PHACTR1: variants seen among roughly 807,000 people sequenced by gnomAD.
PHACTR1 encodes phosphatase and actin regulator 1, also known as RPEL repeat containing 1.
In PHACTR1, 16 loss-of-function variants were observed where a neutral mutation model predicts 69.2. That is an observed-to-expected ratio of 0.23 (90% CI 0.16 to 0.35). The LOEUF (loss-of-function observed/expected upper bound fraction) is 0.35, where lower values mean the gene tolerates loss of function less well. PHACTR1 is among the 10% of genes least tolerant of loss of function. The probability of loss-of-function intolerance (pLI) is 1.00; values close to 1 mark genes in which losing one functional copy is unlikely to be tolerated. For missense variants in PHACTR1, 510 were observed against 734.7 expected (o/e 0.69, Z 3.54); for synonymous variants, 312 against 284.5 (o/e 1.10, Z -0.97).
At chr6:13,049,178 G>A (rs1030625963) in intron 4 of PHACTR1, among the ~76,000 whole-genome samples, 1 of 151,938 alleles carries the variant, frequency 6.6e-6, no homozygotes, top group Non-Finnish European at 1.5e-5. Flanking sequence ...TTTTAATGGG[G>A]CAATTTCAGA....
At chr6:12,999,576 G>C (rs1206303288) in intron 4 of PHACTR1, among the ~76,000 whole-genome samples, 1 of 150,298 alleles carries the variant, frequency 6.7e-6, no homozygotes, top group Non-Finnish European at 1.5e-5. Flanking sequence ...TCCAGCCTGG[G>C]TGACAGAGTG....
intron 4 of PHACTR1, chr6:12,957,879 C>T: frequency 1.0e-6 from 1 of 985,404 alleles, no homozygotes; most frequent in Non-Finnish European, 1.2e-6. Context: ...TGCCTGGCAC[C>T]GAGAGGCTGC....
intron 4 of PHACTR1, among the ~76,000 whole-genome samples, chr6:12,841,398 C>T (rs930503724): frequency 6.6e-6 from 1 of 152,150 alleles, no homozygotes; most frequent in Non-Finnish European, 1.5e-5. Flanking sequence ...CAGCTTGAAC[C>T]TGTTAAATTC....
intron 5 of PHACTR1, among the ~76,000 whole-genome samples, chr6:13,130,950 T>G (rs1820306447): frequency 6.6e-6 from 1 of 152,062 alleles, no homozygotes; most frequent in South Asian, 2.1e-4. Context: ...ATCAAAAAGA[T>G]AATACACCAT....
intron 4 of PHACTR1, among the ~76,000 whole-genome samples, chr6:12,805,472 G>T (rs1010328637): frequency 1.2e-4 from 18 of 152,026 alleles, no homozygotes; most frequent in Non-Finnish European, 2.4e-4. Flanking sequence ...CCCTTTCGTT[G>T]TACTTCCATC....
chr6:12,850,266 G>A (rs906162436), intron 4 of PHACTR1, among the ~76,000 whole-genome samples: 1 of 152,208 alleles, frequency 6.6e-6, no homozygotes, highest in Non-Finnish European at 1.5e-5. Context: ...TGCTGCCCTA[G>A]CCTACAGTCT....
At chr6:13,196,407 A>G (rs1428819353) in intron 7 of PHACTR1, 2 of 122,892 alleles carry the variant, frequency 1.6e-5, no homozygotes, top group Non-Finnish European at 1.8e-5. Context: ...TAGATCATCC[A>G]CTGGTTTTCT....
intron 4 of PHACTR1, among the ~76,000 whole-genome samples, chr6:13,015,038 C>A (rs1006478947): frequency 1.3e-5 from 2 of 152,216 alleles, no homozygotes; most frequent in Admixed American, 6.5e-5. Flanking sequence ...CATTGAAAGC[C>A]TTAGCTACCG....
At chr6:13,162,073 TC>T (rs1189121056) in intron 6 of PHACTR1, among the ~76,000 whole-genome samples, 1 of 142,406 alleles carries the variant, frequency 7.0e-6, no homozygotes, top group Non-Finnish European at 1.5e-5. Flanking sequence ...GCCTGTATGA[TC>T]CCCCAACCCT....
chr6:13,215,330 A>G lies in PHACTR1; in HGVS notation c.986+9194A>G, dbSNP rs897264995. 3.9e-5 allele frequency among the ~76,000 whole-genome samples: 6 copies of G among 152,226 alleles called. No individual in the cohort carries two copies. The South Asian group carries it at 1.2e-3, about 32-fold the overall frequency. The stretch of plus-strand genomic sequence containing the variant: ...GGAGGGAGAAGAATGTGCAACAGGA[A>G]TGTCAACTGGTCTATGAAATTCGGA... On this transcript the variant is annotated intron_variant, in intron 8 of 14. Coordinates refer to ENST00000332995, the MANE Select transcript of PHACTR1 (RefSeq NM_030948.6).
chr6:12,927,895 C>G (rs900398589), intron 4 of PHACTR1, among the ~76,000 whole-genome samples: 4 of 152,206 alleles, frequency 2.6e-5, no homozygotes, highest in African/African-American at 9.6e-5. Context: ...ATTATCCTCC[C>G]GGCAGGTTAG....
chr6:12,741,053 T>C (rs1240533004), intron 3 of PHACTR1, among the ~76,000 whole-genome samples: 1 of 152,040 alleles, frequency 6.6e-6, no homozygotes, highest in African/African-American at 2.4e-5. Context: ...TTTAGATTTA[T>C]TTTTTCTTCT....
At chr6:13,268,793 G>C (rs1354220173) in intron 10 of PHACTR1, among the ~76,000 whole-genome samples, 4 of 152,150 alleles carry the variant, frequency 2.6e-5, no homozygotes, top group African/African-American at 7.2e-5. Context: ...TATAGCACAG[G>C]CCCTTCTGGC....
chr6:12,918,423 C>T (rs1787255767), intron 4 of PHACTR1, among the ~76,000 whole-genome samples: 1 of 152,214 alleles, frequency 6.6e-6, no homozygotes, highest in African/African-American at 2.4e-5. Context: ...TTGTTTTATA[C>T]TTAATTGCAT....
intron 5 of PHACTR1, among the ~76,000 whole-genome samples, chr6:13,059,470 A>T (rs1310763875): frequency 6.7e-6 from 1 of 149,338 alleles, no homozygotes; most frequent in Non-Finnish European, 1.5e-5. Context: ...ACACACACAC[A>T]CACACACACA....
intron 11 of PHACTR1, chr6:13,274,595 A>G (rs1778497522): frequency 6.6e-6 from 1 of 152,256 alleles, no homozygotes; most frequent in Admixed American, 6.5e-5. Flanking sequence ...TTTAGGTTTC[A>G]GAAAATAGTG....
At chr6:12,742,187 G>C (rs990290604) in intron 3 of PHACTR1, among the ~76,000 whole-genome samples, 2 of 152,142 alleles carry the variant, frequency 1.3e-5, no homozygotes, top group African/African-American at 4.8e-5. Flanking sequence ...CCACTCAGCT[G>C]CTTATACTTA....
chr6:13,014,913 C>G (rs1001071523), intron 4 of PHACTR1, among the ~76,000 whole-genome samples: 1 of 152,252 alleles, frequency 6.6e-6, no homozygotes, highest in Admixed American at 6.5e-5. Context: ...CAGCTGTGGA[C>G]GCCCCTGTGT....
At chr6:12,902,221 G>A (rs559256028) in intron 4 of PHACTR1, among the ~76,000 whole-genome samples, 7 of 152,246 alleles carry the variant, frequency 4.6e-5, no homozygotes, top group East Asian at 3.9e-4. Context: ...TCAGGAGTTC[G>A]AGACCAGCCT....
Sources: gnomAD v4.1 joint callset for allele counts (sites outside exome capture counted in the v4.1 genomes callset) on GRCh38, gnomAD v4.1.1 for gene constraint, MANE v1.5 for transcripts, NCBI Gene and HGNC (gene_info 2026-07-23, HGNC 2026-07-21) for gene names.